PTPRN2: variants seen among roughly 807,000 people sequenced by gnomAD.
PTPRN2 encodes protein tyrosine phosphatase receptor type N2.
Under a neutral mutation model 118.8 loss-of-function variants are expected in PTPRN2, and 74 were observed. The observed-to-expected ratio is 0.62, with a 90% confidence interval of 0.52 to 0.76. PTPRN2 has a LOEUF of 0.76. Among genes scored for constraint, PTPRN2 ranks in the 30% least tolerant of loss-of-function variants. The pLI is 0.00. For missense variants in PTPRN2, 1,481 were observed against 1,394.4 expected (o/e 1.06, Z -0.99); for synonymous variants, 641 against 608.0 (o/e 1.05, Z -0.80).
rs187483299 is a variant in PTPRN2 at position 157,744,899 on chromosome 7, C to T, written c.1789-61962G>A. On this transcript the variant is annotated intron_variant, in intron 12 of 22. Coordinates refer to ENST00000389418, the MANE Select transcript of PTPRN2 (RefSeq NM_002847.5). ...TCAGCCCCTGGGTGTTCACTTCAGC[C>T]GCACCCCAGTCCCCCGGCATCTCTG... 4.5e-4 allele frequency among the ~76,000 whole-genome samples: 69 copies of T among 152,312 alleles called. No homozygotes were observed. In the East Asian group the frequency reaches 8.3e-3, roughly 18 times the overall value.
Position 157,787,810 on chromosome 7 carries a change from G to A in PTPRN2, c.1789-104873C>T, listed in dbSNP as rs943242723. Among the ~76,000 whole-genome samples the A allele has an allele frequency of 2.6e-5, 4 of 152,122 alleles. No individual in the cohort carries two copies. The highest frequency in any genetic ancestry group is 9.7e-5 in the African/African-American group (4 of 41,420). ...GCTGGGGGAGGCACCTGGGGGCCCCGTCCAAGCTGCCAAGGGCTGGGGTGG... is the reference window on the plus strand; with the variant it reads ...GCTGGGGGAGGCACCTGGGGGCCCCATCCAAGCTGCCAAGGGCTGGGGTGG... On this transcript the variant is annotated intron_variant, in intron 12 of 22. Coordinates refer to ENST00000389418, the MANE Select transcript of PTPRN2 (RefSeq NM_002847.5). This position sits in a 1 kb window ranked among gnomAD's most constrained non-coding sequence, Gnocchi z 5.3.
intron 1 of PTPRN2, among the ~76,000 whole-genome samples, chr7:158,522,506 G>A (rs889864022): frequency 3.9e-5 from 6 of 152,318 alleles, no homozygotes; most frequent in Middle Eastern, 3.4e-3. Flanking sequence ...GAAGGTCCAC[G>A]TCAGAATGGA....
In PTPRN2 at chr7:158,574,342, T is replaced by A. The variant is rs1828210388; in HGVS notation, c.112+13216A>T. 6.6e-6 allele frequency among the ~76,000 whole-genome samples: 1 copy of A among 152,268 alleles called. No homozygotes were observed. The highest frequency in any genetic ancestry group is 1.5e-5 in the Non-Finnish European group (1 of 68,044). On this transcript the variant is annotated intron_variant, in intron 1 of 22. Transcript: ENST00000389418. The surrounding 1 kb of genome is among the most constrained non-coding windows in gnomAD (Gnocchi z 4.6). The stretch of plus-strand genomic sequence containing the variant: ...TATTTTAATCATTAGTGATGTTTAA[T>A]TTCTCATTCTCTTAAATTTGTTTTG...
intron 11 of PTPRN2, among the ~76,000 whole-genome samples, chr7:158,034,722 C>T (rs1290411374): frequency 6.6e-6 from 1 of 152,210 alleles, no homozygotes; most frequent in Non-Finnish European, 1.5e-5. Context: ...GAGTGTCTCA[C>T]CCTGAGTCCA....
intron 12 of PTPRN2, among the ~76,000 whole-genome samples, chr7:157,748,720 C>A (rs1466405680): frequency 7.5e-6 from 1 of 134,202 alleles, no homozygotes; most frequent in Non-Finnish European, 1.6e-5. Context: ...GATTCTGAGG[C>A]CTGCGTCCCT....
At chr7:157,843,582 G>T (rs1441207236) in intron 12 of PTPRN2, among the ~76,000 whole-genome samples, 1 of 152,208 alleles carries the variant, frequency 6.6e-6, no homozygotes, top group Non-Finnish European at 1.5e-5. Flanking sequence ...GGATTCCCTG[G>T]GGGAGGGCAG....
At chr7:157,656,288 G>A (rs1212353031) in intron 14 of PTPRN2, 69 bp downstream of exon 14, 14 of 1,433,040 alleles carry the variant, frequency 9.8e-6, no homozygotes, top group South Asian at 8.0e-5. Context: ...GCAGATGCTG[G>A]GTGTTGCAGG....
intron 3 of PTPRN2, among the ~76,000 whole-genome samples, chr7:158,304,632 C>G (rs1801147130): frequency 6.6e-6 from 1 of 152,072 alleles, no homozygotes; most frequent in Non-Finnish European, 1.5e-5. Flanking sequence ...AAACACTAAG[C>G]AGGGTCTTCC....
chr7:157,835,660 A>G (rs970745928), intron 12 of PTPRN2, among the ~76,000 whole-genome samples: 1 of 152,174 alleles, frequency 6.6e-6, no homozygotes, highest in African/African-American at 2.4e-5. Context: ...CGAAATTAAC[A>G]ACATAGCCGA....
intron 14 of PTPRN2, among the ~76,000 whole-genome samples, chr7:157,630,898 C>G (rs923085618): frequency 1.1e-4 from 17 of 152,214 alleles, no homozygotes; most frequent in African/African-American, 4.1e-4. Flanking sequence ...CACGTATCTG[C>G]AGTAAGTCAT....
chr7:158,170,594 A>G (rs1407107511), intron 5 of PTPRN2, among the ~76,000 whole-genome samples: 1 of 152,282 alleles, frequency 6.6e-6, no homozygotes, highest in Non-Finnish European at 1.5e-5. Flanking sequence ...TGTAGAAATA[A>G]TAGCAAACAT....
At chr7:157,934,779 T>A (rs2128783803) in intron 11 of PTPRN2, among the ~76,000 whole-genome samples, 1 of 152,280 alleles carries the variant, frequency 6.6e-6, no homozygotes, top group East Asian at 1.9e-4. Flanking sequence ...TGGACCTGGG[T>A]CTCCAACTGC....
intron 11 of PTPRN2, among the ~76,000 whole-genome samples, chr7:158,000,146 C>T (rs557322594): frequency 2.0e-5 from 3 of 152,258 alleles, no homozygotes; most frequent in African/African-American, 2.4e-5. Context: ...CTTGGCCTCC[C>T]GAAGTGCTGG....
At chr7:158,453,027 C>T (rs906197352) in intron 2 of PTPRN2, among the ~76,000 whole-genome samples, 1 of 152,246 alleles carries the variant, frequency 6.6e-6, no homozygotes, top group African/African-American at 2.4e-5. Context: ...TTTAACTTGA[C>T]AGTGTGAAAA....
chr7:157,755,149 C>T (rs887415), intron 12 of PTPRN2, among the ~76,000 whole-genome samples: 25,717 of 152,048 alleles, frequency 0.17, 3,047 homozygotes, highest in African/African-American at 0.33. Flanking sequence ...CCTCCCAAAG[C>T]GCTGGGATTA....
chr7:157,661,936 A>T (rs1320532305), intron 13 of PTPRN2, among the ~76,000 whole-genome samples: 1 of 152,214 alleles, frequency 6.6e-6, no homozygotes, highest in Non-Finnish European at 1.5e-5. Flanking sequence ...CAACGGGGCC[A>T]CCATGGACGC....
chr7:158,327,309 A>ATG lies in PTPRN2; in HGVS notation c.164-10378_164-10377insCA, dbSNP rs1803694880. Reference sequence around the variant, plus strand: ...CTCACACATGTACACATTCTCACACATACACATTCTCACATGCACACACGT... The same window carrying ATG: ...CTCACACATGTACACATTCTCACACATGTACACATTCTCACATGCACACACGT... On this transcript the variant is annotated intron_variant, in intron 2 of 22. Coordinates refer to ENST00000389418, the MANE Select transcript of PTPRN2 (RefSeq NM_002847.5). Among the ~76,000 whole-genome samples the ATG allele has an allele frequency of 2.8e-5, 4 of 144,640 alleles. 1 individual carries two copies. The South Asian group carries it at 9.1e-4, about 33-fold the overall frequency. 94.9% of individuals were successfully genotyped at this position (144,640 alleles called of 152,430 possible).
intron 6 of PTPRN2, among the ~76,000 whole-genome samples, chr7:158,150,962 C>A (rs1352572853): frequency 1.3e-5 from 2 of 152,070 alleles, no homozygotes; most frequent in South Asian, 2.1e-4. Context: ...TGCATCCCAC[C>A]CTGCTTACAG....
intron 9 of PTPRN2, among the ~76,000 whole-genome samples, chr7:158,122,476 G>A (rs1176384483): frequency 6.6e-6 from 1 of 152,184 alleles, no homozygotes; most frequent in Non-Finnish European, 1.5e-5. Flanking sequence ...CGAAATGAGT[G>A]CACGGGTGGA....
Sources: gnomAD v4.1 joint callset for allele counts (sites outside exome capture counted in the v4.1 genomes callset) on GRCh38, gnomAD v4.1.1 for gene constraint, Gnocchi (gnomAD v3.1) non-coding constraint, MANE v1.5 for transcripts, NCBI Gene and HGNC (gene_info 2026-07-23, HGNC 2026-07-21) for gene names.